The following RGS7 variants were observed in gnomAD, a reference collection of about 807,000 sequenced individuals.
RGS7 encodes regulator of G-protein signaling 7.
Under a neutral mutation model 81.1 loss-of-function variants are expected in RGS7, and 27 were observed. That is an observed-to-expected ratio of 0.33 (90% CI 0.25 to 0.46). The LOEUF is 0.46. RGS7 is among the 20% of genes least tolerant of loss of function. The pLI, the probability that RGS7 is intolerant of heterozygous loss-of-function variation, is 1.00. For synonymous variants in RGS7, 208 were observed against 207.7 expected, an observed-to-expected ratio of 1.00 and a Z score of -0.01; for missense variants, 396 against 607.4, an observed-to-expected ratio of 0.65 and a Z score of 3.66.
intron 3 of RGS7, among the ~76,000 whole-genome samples, chr1:241,085,578 T>A (rs1371897418): frequency 6.7e-6 from 1 of 150,124 alleles, no homozygotes; most frequent in Non-Finnish European, 1.5e-5. Flanking sequence ...GCCCGCACCA[T>A]CATGCCCGGC....
At chr1:241,189,908 G>GGAGACCATACGGGCTAAC (rs2072469587) in intron 2 of RGS7, among the ~76,000 whole-genome samples, 1 of 151,782 alleles carries the variant, frequency 6.6e-6, no homozygotes, top group Admixed American at 6.6e-5. Context: ...AAGGTCAGGA[G>GGAGACCATACGGGCTAAC]ATCGAGCCCA....
intron 18 of RGS7, among the ~76,000 whole-genome samples, chr1:240,793,611 A>ATATATATATATATATATTT: frequency 2.8e-4 from 22 of 78,788 alleles, no homozygotes; most frequent in African/African-American, 5.8e-4. Flanking sequence ...ATATATATAT[A>ATATATATATATATATATTT]TTTTTTTTTT....
At chr1:241,042,955 CAA>C (rs1322600643) in intron 3 of RGS7, among the ~76,000 whole-genome samples, 10,111 of 79,950 alleles carry the variant, frequency 0.13, 514 homozygotes, top group African/African-American at 0.23. Flanking sequence ...TACTCCGTCT[CAA>C]AAAAAAAAAA....
At chr1:241,274,279 A>C (rs1296616112) in intron 2 of RGS7, among the ~76,000 whole-genome samples, 1 of 152,214 alleles carries the variant, frequency 6.6e-6, no homozygotes, top group Admixed American at 6.5e-5. Context: ...TCACTCAATA[A>C]ATTTTTTGTT....
At chr1:241,185,932 A>G (rs1183131204) in intron 2 of RGS7, among the ~76,000 whole-genome samples, 1 of 152,180 alleles carries the variant, frequency 6.6e-6, no homozygotes, top group Non-Finnish European at 1.5e-5. Context: ...AAAACAAATT[A>G]AACCCAAAAC....
At chr1:240,783,571 C>T (rs1031837639) in intron 18 of RGS7, among the ~76,000 whole-genome samples, 37 of 151,300 alleles carry the variant, frequency 2.4e-4, no homozygotes, top group Admixed American at 2.6e-4. Context: ...TGCAGTGAGC[C>T]GAGATTGCGC....
intron 2 of RGS7, among the ~76,000 whole-genome samples, chr1:241,123,061 C>T (rs985174477): frequency 6.6e-6 from 1 of 152,170 alleles, no homozygotes; most frequent in African/African-American, 2.4e-5. Flanking sequence ...TGGAATTCAA[C>T]ATAGCTACTC....
intron 2 of RGS7, among the ~76,000 whole-genome samples, chr1:241,147,789 T>C (rs1378397431): frequency 1.0e-4 from 11 of 110,010 alleles, no homozygotes; most frequent in African/African-American, 3.6e-4. Context: ...TTTATATATA[T>C]ATATATATAT....
At chr1:240,866,524 A>AG (rs1663298368) in intron 9 of RGS7, among the ~76,000 whole-genome samples, 1 of 151,928 alleles carries the variant, frequency 6.6e-6, no homozygotes, top group African/African-American at 2.4e-5. Context: ...AAAAAAAAAA[A>AG]AAAGTTCAAC....
intron 6 of RGS7, among the ~76,000 whole-genome samples, chr1:240,928,189 G>A (rs776767932): frequency 6.6e-5 from 10 of 152,132 alleles, no homozygotes; most frequent in Non-Finnish European, 1.5e-4. Context: ...TAAACCCTGG[G>A]TCTGGAAGGT....
At chr1:241,294,605 C>T (rs1344280743) in intron 2 of RGS7, among the ~76,000 whole-genome samples, 1 of 152,320 alleles carries the variant, frequency 6.6e-6, no homozygotes, top group East Asian at 1.9e-4. Context: ...TAGACCTTCA[C>T]ATTCACTCAC....
intron 2 of RGS7, among the ~76,000 whole-genome samples, chr1:241,265,321 T>A (rs76183525): frequency 0.033 from 4,955 of 152,302 alleles, 252 homozygotes; most frequent in African/African-American, 0.11. Context: ...GAGAAGGCAA[T>A]CAAAACAAAC....
intron 2 of RGS7, among the ~76,000 whole-genome samples, chr1:241,147,736 T>TC (rs138456070): frequency 0.034 from 4,749 of 138,572 alleles, 324 homozygotes; most frequent in African/African-American, 0.12. Flanking sequence ...TTGATTTTTT[T>TC]CCCCTTTTTA....
At chr1:241,077,005 T>C (rs12742583) in intron 3 of RGS7, among the ~76,000 whole-genome samples, 24,644 of 152,156 alleles carry the variant, frequency 0.16, 2,177 homozygotes, top group African/African-American at 0.18. Flanking sequence ...AGTCCAACCT[T>C]ATAACTTCGC....
chr1:241,230,778 C>T (rs930235515), intron 2 of RGS7, among the ~76,000 whole-genome samples: 5 of 152,180 alleles, frequency 3.3e-5, no homozygotes, highest in African/African-American at 1.2e-4. Flanking sequence ...CTTAGGTGTG[C>T]TTGTAGATCG....
intron 2 of RGS7, among the ~76,000 whole-genome samples, chr1:241,208,225 T>C (rs1321942382): frequency 1.3e-5 from 2 of 151,952 alleles, no homozygotes; most frequent in African/African-American, 4.8e-5. Context: ...TTTTTGAAAA[T>C]AGAAAGAGTA....
At chr1:241,335,285 G>A (rs902648156) in intron 2 of RGS7, among the ~76,000 whole-genome samples, 3 of 152,164 alleles carry the variant, frequency 2.0e-5, no homozygotes, top group African/African-American at 7.2e-5. Flanking sequence ...AGATTCAACA[G>A]ATTGTCCAAA....
At chr1:240,894,954 G>A (rs1163500340) in intron 6 of RGS7, among the ~76,000 whole-genome samples, 1 of 152,140 alleles carries the variant, frequency 6.6e-6, no homozygotes, top group Non-Finnish European at 1.5e-5. Context: ...ATGTTGAATT[G>A]TAATCCCCAA....
intron 3 of RGS7, among the ~76,000 whole-genome samples, chr1:241,021,399 A>T (rs556501562): frequency 6.6e-6 from 1 of 152,304 alleles, no homozygotes; most frequent in African/African-American, 2.4e-5. Flanking sequence ...TCAGTCTGTA[A>T]TTCATTTTCA....
Sources: gnomAD v4.1 joint callset for allele counts (sites outside exome capture counted in the v4.1 genomes callset) on GRCh38, gnomAD v4.1.1 for gene constraint, MANE v1.5 for transcripts, NCBI Gene and HGNC (gene_info 2026-07-23, HGNC 2026-07-21) for gene names.